BCAS3: variants seen among roughly 807,000 people sequenced by gnomAD.
The protein encoded by BCAS3 is BCAS3 microtubule associated cell migration factor, also known as BCAS4/BCAS3 fusion.
Under a neutral mutation model 116.1 loss-of-function variants are expected in BCAS3, and 53 were observed. That is an observed-to-expected ratio of 0.46 (90% CI 0.37 to 0.57). The LOEUF (loss-of-function observed/expected upper bound fraction) is 0.57. Among genes scored for constraint, BCAS3 ranks in the 20% least tolerant of loss-of-function variants. The pLI, the probability that BCAS3 is intolerant of heterozygous loss-of-function variation, is 0.00. For synonymous variants in BCAS3, 391 were observed against 408.2 expected (o/e 0.96, Z 0.51); for missense variants, 917 against 1,165.4 (o/e 0.79, Z 3.10).
intron 14 of BCAS3, among the ~76,000 whole-genome samples, chr17:60,969,000 G>C (rs2061809311): frequency 6.6e-6 from 1 of 151,064 alleles, no homozygotes; most frequent in African/African-American, 2.4e-5. Context: ...ATGAGTTGGG[G>C]GGGGAGATTT....
At position 61,214,560 on chromosome 17, in the gene BCAS3, G is replaced by T. The variant is rs1461206243; in HGVS notation, c.2425+129996G>T. Among the ~76,000 whole-genome samples the T allele has an allele frequency of 6.6e-6, 1 of 151,374 alleles. No individual in the cohort carries two copies. On this transcript the variant is annotated intron_variant, in intron 22 of 23. Coordinates refer to ENST00000407086, the MANE Select transcript of BCAS3 (RefSeq NM_017679.5). This position sits in a 1 kb window ranked among gnomAD's most constrained non-coding sequence, Gnocchi z 4.4. Reference sequence around the variant, plus strand: ...AAAAAAATTAGCTGGGCGTGGCGGCGGGCGCCTGTAGTCCCAGCTACTCCG... The same window carrying T: ...AAAAAAATTAGCTGGGCGTGGCGGCTGGCGCCTGTAGTCCCAGCTACTCCG...
chr17:60,724,168 A>G (rs1478067879), intron 5 of BCAS3, among the ~76,000 whole-genome samples: 1 of 151,734 alleles, frequency 6.6e-6, no homozygotes, highest in Non-Finnish European at 1.5e-5. Context: ...TCATGACTGT[A>G]ATCCCAGCAC....
At chr17:61,268,020 A>T (rs1413413049) in intron 22 of BCAS3, among the ~76,000 whole-genome samples, 2 of 152,102 alleles carry the variant, frequency 1.3e-5, no homozygotes, top group Non-Finnish European at 2.9e-5. Context: ...GCCTAGAGAG[A>T]AACTGTTACT....
chr17:61,298,654 A>G (rs1433560029), intron 22 of BCAS3, among the ~76,000 whole-genome samples: 1 of 152,144 alleles, frequency 6.6e-6, no homozygotes, highest in Non-Finnish European at 1.5e-5. Context: ...AGGGAGCCAG[A>G]ATCCAAGCCC....
chr17:60,722,787 G>T (rs575958937), intron 5 of BCAS3, among the ~76,000 whole-genome samples: 4 of 151,906 alleles, frequency 2.6e-5, no homozygotes, highest in Admixed American at 6.6e-5. Flanking sequence ...TGCTTTTTAG[G>T]CTGGGCACAG....
At chr17:61,305,281 C>T (rs1174933337) in intron 22 of BCAS3, among the ~76,000 whole-genome samples, 1 of 152,092 alleles carries the variant, frequency 6.6e-6, no homozygotes, top group Non-Finnish European at 1.5e-5. Context: ...TTAACAGTTT[C>T]CTTTCCACTA....
In BCAS3 at chr17:61,300,943, C is replaced by T. The variant is rs2053378625; in HGVS notation, c.2426-67384C>T. On this transcript the variant is annotated intron_variant, in intron 22 of 23. Coordinates refer to ENST00000407086, the MANE Select transcript of BCAS3 (RefSeq NM_017679.5). This position sits in a 1 kb window ranked among gnomAD's most constrained non-coding sequence, Gnocchi z 5.1. ...CTGGCCAAGCCTGCAGACCCTTTCT[C>T]AGAATATTTTTAAATAAATAAAGTG... is the stretch of plus-strand genomic sequence containing the variant. Among the ~76,000 whole-genome samples, 1 of 152,200 alleles carries T rather than the reference C, an allele frequency of 6.6e-6. No individual in the cohort carries two copies. Among genetic ancestry groups the T allele is most frequent in the South Asian group, 2.1e-4 (1 of 4,828 alleles).
intron 22 of BCAS3, among the ~76,000 whole-genome samples, chr17:61,110,305 T>G (rs989264733): frequency 1.3e-5 from 2 of 152,064 alleles, no homozygotes; most frequent in South Asian, 4.2e-4. Context: ...AGAAGATGGG[T>G]GATTTCTGCA....
intron 22 of BCAS3, among the ~76,000 whole-genome samples, chr17:61,247,993 C>T (rs762567751): frequency 3.9e-5 from 6 of 152,178 alleles, no homozygotes; most frequent in Non-Finnish European, 7.3e-5. Flanking sequence ...TTTGTTCCTA[C>T]CAGTTGTGGG....
chr17:60,918,066 A>T (rs989704472), intron 12 of BCAS3, among the ~76,000 whole-genome samples: 1 of 152,180 alleles, frequency 6.6e-6, no homozygotes, highest in Non-Finnish European at 1.5e-5. Flanking sequence ...CAGTGGCTGG[A>T]CCATTTTAAA....
chr17:60,770,513 G>A (rs183268304), intron 6 of BCAS3, among the ~76,000 whole-genome samples: 62 of 142,094 alleles, frequency 4.4e-4, no homozygotes, highest in Non-Finnish European at 7.8e-4. Flanking sequence ...CCGACTCCCT[G>A]GTTGAAACGA....
intron 14 of BCAS3, among the ~76,000 whole-genome samples, chr17:60,978,071 C>T (rs1475437092): frequency 3.1e-5 from 4 of 127,908 alleles, no homozygotes; most frequent in Non-Finnish European, 4.6e-5. Flanking sequence ...CCTGAGGAAT[C>T]GCCACACTGA....
intron 6 of BCAS3, among the ~76,000 whole-genome samples, chr17:60,750,082 G>C (rs895097812): frequency 2.0e-5 from 3 of 151,864 alleles, no homozygotes; most frequent in African/African-American, 7.3e-5. Flanking sequence ...CAGGAGAATT[G>C]TTTGAACTTG....
chr17:60,810,887 A>C, intron 7 of BCAS3: 2 of 702,182 alleles, frequency 2.8e-6, no homozygotes, highest in South Asian at 2.8e-5. Flanking sequence ...GATGCCCCCA[A>C]ATCTCAGGAT....
rs368064324 is a variant in BCAS3, at chr17:61,290,881, T to C, written c.2426-77446T>C. The stretch of plus-strand genomic sequence containing the variant: ...CTGTGAGCTCCGCCTCCCGGGTTCA[T>C]GCCATTCTCCTGCCTCAGCCTCCCA... On this transcript the variant is annotated intron_variant, in intron 22 of 23. Coordinates refer to ENST00000407086, the MANE Select transcript of BCAS3 (RefSeq NM_017679.5). Among the ~76,000 whole-genome samples, 1,014 of 152,212 alleles carry C rather than the reference T, an allele frequency of 6.7e-3. 10 individuals carry two copies. The highest frequency in any genetic ancestry group is 0.027 in the South Asian group (131 of 4,820).
intron 22 of BCAS3, among the ~76,000 whole-genome samples, chr17:61,206,399 A>C (rs1359343924): frequency 6.6e-6 from 1 of 152,194 alleles, no homozygotes; most frequent in Non-Finnish European, 1.5e-5. Context: ...CAGTAAGGTC[A>C]TACTTAACTT....
chr17:61,169,943 C>T (rs954164506), intron 22 of BCAS3, among the ~76,000 whole-genome samples: 12 of 151,952 alleles, frequency 7.9e-5, no homozygotes, highest in African/African-American at 2.7e-4. Context: ...CAACTTCCAC[C>T]TCCCGGGTTC....
At chr17:60,683,833 A>G (rs1413456241) in intron 2 of BCAS3, 149 bp from the exon 3 acceptor site, 2 of 684,012 alleles carry the variant, frequency 2.9e-6, no homozygotes, top group Non-Finnish European at 4.7e-6. Context: ...CCTTGTCTCA[A>G]AACAAAACAA....
chr17:60,835,813 A>G (rs116483172), intron 7 of BCAS3, among the ~76,000 whole-genome samples: 1,561 of 152,210 alleles, frequency 0.01, 27 homozygotes, highest in African/African-American at 0.036. Flanking sequence ...AATTATAGAT[A>G]TTATACAGCA....
Sources: allele counts gnomAD v4.1 joint callset (sites outside exome capture counted in the v4.1 genomes callset), GRCh38; gene constraint gnomAD v4.1.1; non-coding constraint Gnocchi (gnomAD v3.1); transcripts MANE v1.5; gene names NCBI Gene and HGNC (gene_info 2026-07-23, HGNC 2026-07-21).